Variants in DSCAML1 observed in about 807,000 individuals in gnomAD.
The protein encoded by DSCAML1 is DS cell adhesion molecule like 1.
Under a neutral mutation model 200.5 loss-of-function variants are expected in DSCAML1, and 38 were observed. The observed-to-expected ratio is 0.19, with a 90% CI of 0.15 to 0.25. The LOEUF (loss-of-function observed/expected upper bound fraction) is 0.25. DSCAML1 is among the 10% of genes least tolerant of loss of function. The pLI is 1.00. For synonymous variants in DSCAML1, 1,215 were observed against 1,165.0 expected, an observed-to-expected ratio of 1.04 and a Z score of -0.87; for missense variants, 2,223 against 2,858.8, an observed-to-expected ratio of 0.78 and a Z score of 5.07.
At position 117,781,290 on chromosome 11, in the gene DSCAML1, C is replaced by T. The variant is rs1278189162; in HGVS notation, c.47-480G>A. ...TGGGCAACAGAGCAAGACTCTGTCT[C>T]GAAAAAAAAAAAAAAGAAAGAAAGA... On this transcript the variant is annotated intron_variant, in intron 1 of 32. Coordinates refer to ENST00000651296, the MANE Select transcript of DSCAML1 (RefSeq NM_020693.4). Among the ~76,000 whole-genome samples the T allele has an allele frequency of 1.1e-4, 10 of 93,080 alleles. 1 individual carries two copies. The highest frequency in any genetic ancestry group is 9.5e-4 in the Admixed American group (7 of 7,356). The allele number at this position is 93,080 out of a possible 152,430, so 61.1% of individuals were successfully genotyped here.
intron 3 of DSCAML1, among the ~76,000 whole-genome samples, chr11:117,588,796 GC>G (rs2051200836): frequency 1.3e-5 from 2 of 152,174 alleles, no homozygotes; most frequent in African/African-American, 4.8e-5. Context: ...ATGGCCAGGG[GC>G]GGGTGTGGGG....
chr11:117,684,461 GA>G (rs755077825), intron 3 of DSCAML1, among the ~76,000 whole-genome samples: 2,123 of 105,092 alleles, frequency 0.02, 21 homozygotes, highest in African/African-American at 0.041. Flanking sequence ...AAAAAAAAAA[GA>G]AAAAAAGAGG....
At chr11:117,647,863 C>T (rs1031072141) in intron 3 of DSCAML1, among the ~76,000 whole-genome samples, 2 of 152,174 alleles carry the variant, frequency 1.3e-5, no homozygotes, top group African/African-American at 4.8e-5. Flanking sequence ...TTTCTCAGAC[C>T]TCCTCCCCTT....
intron 3 of DSCAML1, among the ~76,000 whole-genome samples, chr11:117,710,485 G>T (rs1020066916): frequency 1.3e-5 from 2 of 152,168 alleles, no homozygotes; most frequent in African/African-American, 4.8e-5. Flanking sequence ...TCTCTGCAAC[G>T]TTAGCAACCC....
intron 30 of DSCAML1, 112 bp downstream of exon 30, chr11:117,432,240 C>T: frequency 6.4e-6 from 8 of 1,257,416 alleles, no homozygotes; most frequent in Admixed American, 6.0e-5. Context: ...TTTTTGCATT[C>T]TATTCCATTA....
At chr11:117,803,103 T>C (rs2055676217) in intron 1 of DSCAML1, among the ~76,000 whole-genome samples, 2 of 151,962 alleles carry the variant, frequency 1.3e-5, no homozygotes, top group Admixed American at 6.5e-5. Flanking sequence ...GTGGAATGTA[T>C]TTATATGGTT....
At chr11:117,623,985 A>G (rs1398747655) in intron 3 of DSCAML1, among the ~76,000 whole-genome samples, 6 of 152,238 alleles carry the variant, frequency 3.9e-5, no homozygotes, top group African/African-American at 1.4e-4. Context: ...GGAGCTGTCA[A>G]GCCTTTAGTG....
At chr11:117,738,098 C>T (rs1465272753) in intron 3 of DSCAML1, among the ~76,000 whole-genome samples, 1 of 152,150 alleles carries the variant, frequency 6.6e-6, no homozygotes, top group African/African-American at 2.4e-5. Context: ...TCAATAGATG[C>T]TTACTGCTGA....
intron 21 of DSCAML1, 104 bp from the exon 22 acceptor site, chr11:117,440,040 C>T: frequency 3.1e-6 from 3 of 960,946 alleles, no homozygotes; most frequent in South Asian, 2.9e-5. Flanking sequence ...TCCTCCCTCC[C>T]CGATCTGACC....
chr11:117,567,354 T>G (rs1306549632), intron 3 of DSCAML1, among the ~76,000 whole-genome samples: 1 of 152,048 alleles, frequency 6.6e-6, no homozygotes, highest in East Asian at 1.9e-4. Context: ...TTTTCATGTG[T>G]TTTTTGGCTG....
At chr11:117,778,803 C>T (rs2055179587) in intron 2 of DSCAML1, among the ~76,000 whole-genome samples, 2 of 152,226 alleles carry the variant, frequency 1.3e-5, no homozygotes, top group South Asian at 4.1e-4. Flanking sequence ...GGGCTCCAAA[C>T]CCAGGCCTCA....
At chr11:117,514,132 T>C (rs1210252529) in intron 8 of DSCAML1, among the ~76,000 whole-genome samples, 1 of 152,214 alleles carries the variant, frequency 6.6e-6, no homozygotes, top group Non-Finnish European at 1.5e-5. Context: ...CCCCAGGGCC[T>C]TCCCCCCATG....
chr11:117,531,334 G>C (rs777676256), intron 4 of DSCAML1, among the ~76,000 whole-genome samples: 6 of 151,954 alleles, frequency 3.9e-5, no homozygotes, highest in Non-Finnish European at 8.8e-5. Flanking sequence ...TGGTTTTCTC[G>C]CCTGTAAAAA....
chr11:117,746,575 G>T (rs1243113583), intron 3 of DSCAML1, among the ~76,000 whole-genome samples: 1 of 152,134 alleles, frequency 6.6e-6, no homozygotes, highest in Non-Finnish European at 1.5e-5. Flanking sequence ...GCTGCCATTG[G>T]GGGCATCTTT....
At chr11:117,445,896 C>T (rs1385511259) in intron 20 of DSCAML1, among the ~76,000 whole-genome samples, 1 of 152,106 alleles carries the variant, frequency 6.6e-6, no homozygotes, top group Non-Finnish European at 1.5e-5. Context: ...ACAGACATAG[C>T]CCCAAATAAA....
At chr11:117,789,372 G>C (rs1363377226) in intron 1 of DSCAML1, among the ~76,000 whole-genome samples, 4 of 152,170 alleles carry the variant, frequency 2.6e-5, no homozygotes, top group African/African-American at 9.7e-5. Context: ...AGCTCAGACA[G>C]CACAGTTGTC....
At chr11:117,730,590 C>A (rs1007273736) in intron 3 of DSCAML1, among the ~76,000 whole-genome samples, 2 of 152,106 alleles carry the variant, frequency 1.3e-5, no homozygotes. Flanking sequence ...AAACTGGGAC[C>A]CTTATACCCT....
chr11:117,522,423 G>T (rs942140487), intron 5 of DSCAML1, among the ~76,000 whole-genome samples: 1 of 152,128 alleles, frequency 6.6e-6, no homozygotes, highest in African/African-American at 2.4e-5. Flanking sequence ...ATTACTGATG[G>T]TCTAACTGGC....
chr11:117,649,563 C>A (rs2052587103), intron 3 of DSCAML1, among the ~76,000 whole-genome samples: 1 of 152,120 alleles, frequency 6.6e-6, no homozygotes, highest in Non-Finnish European at 1.5e-5. Flanking sequence ...CTCTGCATCT[C>A]TCCTCTCCTT....
Sources: gnomAD v4.1 joint callset for allele counts (sites outside exome capture counted in the v4.1 genomes callset) on GRCh38, gnomAD v4.1.1 for gene constraint, MANE v1.5 for transcripts, NCBI Gene and HGNC (gene_info 2026-07-23, HGNC 2026-07-21) for gene names.